ADA2: variants seen among roughly 807,000 people sequenced by gnomAD.
The protein encoded by ADA2 is adenosine deaminase 2, also known as adenosine deaminase CECR1.
Under a neutral mutation model 44.2 loss-of-function variants are expected in ADA2, and 29 were observed. The observed-to-expected ratio is 0.66, with a 90% CI of 0.49 to 0.89. ADA2 has a LOEUF of 0.89. ADA2 is among the 40% of genes least tolerant of loss of function. The pLI is 0.00. For synonymous variants in ADA2, 215 were observed against 234.9 expected (o/e 0.92, Z 0.77); for missense variants, 637 against 644.8 (o/e 0.99, Z 0.13).
chr22:17,182,288 G>A (rs2061980710), intron 8 of ADA2, among the ~76,000 whole-genome samples: 1 of 152,088 alleles, frequency 6.6e-6, no homozygotes, highest in African/African-American at 2.4e-5. Flanking sequence ...CAGACACAAA[G>A]GACCCCAAGA....
chr22:17,180,498 G>C lies in ADA2; in HGVS notation c.*985C>G, dbSNP rs936355146. 1 of 152,260 alleles carries C rather than the reference G, an allele frequency of 6.6e-6. No individual in the cohort carries two copies. The highest frequency in any genetic ancestry group is 2.4e-5 in the African/African-American group (1 of 41,444). 9.4% of individuals were successfully genotyped at this position (152,260 alleles called of 1,614,324 possible). A position where few individuals can be genotyped will look rare whatever the true frequency, so the allele number is the denominator to read the frequency against. ...GTGTCCTTCACCAGCTATGGGAAAGGCCAGGGAAAGGTTTAAAGGGCTGAG... is the reference window on the plus strand; with the variant it reads ...GTGTCCTTCACCAGCTATGGGAAAGCCCAGGGAAAGGTTTAAAGGGCTGAG... On this transcript the variant is annotated 3_prime_UTR_variant, in exon 10 of 10. Transcript: ENST00000399837.
intron 1 of ADA2, among the ~76,000 whole-genome samples, chr22:17,212,878 C>T (rs12169272): frequency 0.021 from 3,245 of 151,208 alleles, 120 homozygotes; most frequent in African/African-American, 0.076. Flanking sequence ...CTCGCTGCAG[C>T]GGCAACCTCC....
intron 4 of ADA2, among the ~76,000 whole-genome samples, chr22:17,197,953 G>A (rs2062214138): frequency 2.0e-5 from 3 of 151,622 alleles, no homozygotes; most frequent in Non-Finnish European, 4.4e-5. Context: ...CAGGAGAATC[G>A]CTTGAACCCG....
At chr22:17,205,762 T>G (rs2062347466) in intron 3 of ADA2, among the ~76,000 whole-genome samples, 1 of 152,174 alleles carries the variant, frequency 6.6e-6, no homozygotes, top group South Asian at 2.1e-4. Flanking sequence ...GAGGACGGCT[T>G]GAGCCGCAGA....
chr22:17,181,602 C>T lies in ADA2; in HGVS notation c.1443-26G>A, dbSNP rs375565224. ...CTGCAGGAAGAGGAGGAGCCCAGGT[C>T]AGCCTCAGGGCAGGGGTTGGGGAAC... On this transcript the variant is annotated intron_variant, in intron 9 of 9. Coordinates refer to ENST00000399837, the MANE Select transcript of ADA2 (RefSeq NM_001282225.2). 17 of 1,520,844 alleles carry T rather than the reference C, an allele frequency of 1.1e-5. No homozygotes were observed. In the African/African-American group the frequency reaches 1.6e-4, roughly 15 times the overall value. The allele number at this position is 1,520,844 out of a possible 1,614,324, so 94.2% of individuals were successfully genotyped here. A position where few individuals can be genotyped will look rare whatever the true frequency, so the allele number is the denominator to read the frequency against.
chr22:17,218,529 C>T (rs1290024311), intron 1 of ADA2, among the ~76,000 whole-genome samples: 3 of 152,080 alleles, frequency 2.0e-5, no homozygotes, highest in Non-Finnish European at 4.4e-5. Context: ...ATCCCACCTA[C>T]CCCATGCCAC....
intron 1 of ADA2, chr22:17,213,720 A>T (rs759051831): frequency 8.2e-6 from 2 of 244,892 alleles, no homozygotes. Context: ...AATGCAGGAG[A>T]AGCGGCAATG....
At chr22:17,193,314 A>G (rs2062144526) in intron 4 of ADA2, 4 of 551,286 alleles carry the variant, frequency 7.3e-6, no homozygotes, top group South Asian at 6.6e-5. Flanking sequence ...ATGAGTAGAC[A>G]GCTCATGTCC....
chr22:17,205,341 T>C (rs2062342519), intron 3 of ADA2, among the ~76,000 whole-genome samples: 1 of 152,082 alleles, frequency 6.6e-6, no homozygotes, highest in South Asian at 2.1e-4. Context: ...CTTGAACTCC[T>C]GGGTGCAAGT....
intron 4 of ADA2, among the ~76,000 whole-genome samples, chr22:17,201,680 C>T (rs2123694351): frequency 6.6e-6 from 1 of 152,278 alleles, no homozygotes; most frequent in South Asian, 2.1e-4. Flanking sequence ...CCAACAAAAA[C>T]ATCCTCAGGA....
intron 3 of ADA2, among the ~76,000 whole-genome samples, chr22:17,205,271 C>T (rs913525607): frequency 1.3e-5 from 2 of 152,070 alleles, no homozygotes; most frequent in Admixed American, 1.3e-4. Flanking sequence ...CCGCCCACCT[C>T]GGTCTCCCAA....
chr22:17,182,579 G>T (rs1273365780), intron 8 of ADA2, 25 bp downstream of exon 8: 1 of 1,612,418 alleles, frequency 6.2e-7, no homozygotes, highest in African/African-American at 1.3e-5. Context: ...GATCATATGG[G>T]ATTAGCCACA....
At chr22:17,220,766 G>A (rs2062517396), upstream of ADA2, among the ~76,000 whole-genome samples, 1 of 152,080 alleles carries the variant, frequency 6.6e-6, no homozygotes, top group Admixed American at 6.6e-5. Context: ...TACATCTGGA[G>A]CCTTGATGCT....
At chr22:17,193,561 G>A (rs1350951927) in intron 4 of ADA2, among the ~76,000 whole-genome samples, 1 of 151,240 alleles carries the variant, frequency 6.6e-6, no homozygotes, top group Non-Finnish European at 1.5e-5. Flanking sequence ...CCAGCCACTC[G>A]GGAGGCTGAG....
intron 1 of ADA2, among the ~76,000 whole-genome samples, chr22:17,217,282 A>C (rs2123736297): frequency 6.6e-6 from 1 of 152,354 alleles, no homozygotes; most frequent in Admixed American, 6.5e-5. Flanking sequence ...TAAGGAATAC[A>C]AGAAATTGCC....
Position 17,181,800 on chromosome 22 carries a change from G to C in ADA2, c.1442+20C>G, listed in dbSNP as rs1373238085. 29 of 1,604,478 alleles carry C rather than the reference G, an allele frequency of 1.8e-5. No individual in the cohort carries two copies. Among genetic ancestry groups the C allele is most frequent in the African/African-American group, 2.7e-5 (2 of 74,748 alleles). ...GGGCTGGAAGGAGGCGGGGGACCTG[G>C]GAGGACACAGGACACTCACTTGATA... On this transcript the variant is annotated intron_variant, in intron 9 of 9. Coordinates refer to ENST00000399837, the MANE Select transcript of ADA2 (RefSeq NM_001282225.2).
At chr22:17,189,907 T>G in intron 6 of ADA2, 35 bp downstream of exon 6, 1 of 1,510,576 alleles carries the variant, frequency 6.6e-7, no homozygotes, top group South Asian at 1.1e-5. Flanking sequence ...CATGCCCCCT[T>G]AACAGGCAGC....
chr22:17,218,171 T>A (rs986936112), intron 1 of ADA2, among the ~76,000 whole-genome samples: 31 of 152,208 alleles, frequency 2.0e-4, no homozygotes, highest in Admixed American at 1.4e-3. Context: ...ATATCGTAAC[T>A]ATTATTGTTT....
chr22:17,195,746 A>G lies in ADA2; in HGVS notation c.754-3936T>C, dbSNP rs187655778. ...AATCATGGATTATGTGTTTGTATTT[A>G]GAATAATTTCTTTCCTTTTTTTTTT... On this transcript the variant is annotated intron_variant, in intron 4 of 9. Transcript: ENST00000399837. Among the ~76,000 whole-genome samples, 23 of 150,324 alleles carry G rather than the reference A, an allele frequency of 1.5e-4. No homozygotes were observed. The East Asian group carries it at 3.4e-3, about 22-fold the overall frequency.
Sources: gnomAD v4.1 joint callset for allele counts (sites outside exome capture counted in the v4.1 genomes callset) on GRCh38, gnomAD v4.1.1 for gene constraint, MANE v1.5 for transcripts, NCBI Gene and HGNC (gene_info 2026-07-23, HGNC 2026-07-21) for gene names.